SLIT2: variants seen among roughly 807,000 people sequenced by gnomAD.
SLIT2 encodes the protein slit guidance ligand 2, also known as slit homolog 2 protein.
In SLIT2, 41 loss-of-function variants were observed where a neutral mutation model predicts 185.7. That is an observed-to-expected ratio of 0.22 (90% CI 0.17 to 0.29). The LOEUF (loss-of-function observed/expected upper bound fraction) is 0.29, where lower values mean the gene tolerates loss of function less well. Ranked by LOEUF, SLIT2 falls within the 10% of genes least tolerant of loss-of-function variation. The pLI is 1.00. For missense variants in SLIT2, 1,571 were observed against 1,909.0 expected (o/e 0.82, Z 3.30); for synonymous variants, 693 against 680.2 (o/e 1.02, Z -0.29).
chr4:20,407,450 C>G (rs1359673994), intron 4 of SLIT2, among the ~76,000 whole-genome samples: 1 of 152,162 alleles, frequency 6.6e-6, no homozygotes, highest in Non-Finnish European at 1.5e-5. Context: ...GAAACGCCTG[C>G]CTTTTGTTAT....
At chr4:20,399,745 C>G (rs1726200096) in intron 4 of SLIT2, among the ~76,000 whole-genome samples, 1 of 151,652 alleles carries the variant, frequency 6.6e-6, no homozygotes, top group African/African-American at 2.4e-5. Flanking sequence ...TGATATTACA[C>G]TATGTAAGAG....
chr4:20,518,018 C>T (rs1368307944), intron 11 of SLIT2, among the ~76,000 whole-genome samples: 1 of 149,948 alleles, frequency 6.7e-6, no homozygotes, highest in Non-Finnish European at 1.5e-5. Context: ...TTCAAATCAC[C>T]TCTGGATGGC....
At chr4:20,302,542 G>A (rs1717152032) in intron 4 of SLIT2, among the ~76,000 whole-genome samples, 1 of 152,160 alleles carries the variant, frequency 6.6e-6, no homozygotes, top group Non-Finnish European at 1.5e-5. Context: ...GCTGCATGAT[G>A]TCAGAGGCTA....
At chr4:20,608,423 T>C (rs1728952621) in intron 33 of SLIT2, among the ~76,000 whole-genome samples, 1 of 152,180 alleles carries the variant, frequency 6.6e-6, no homozygotes, top group African/African-American at 2.4e-5. Context: ...GGTGTGCAAC[T>C]ATACTTATAA....
intron 4 of SLIT2, among the ~76,000 whole-genome samples, chr4:20,358,383 T>C (rs1722496642): frequency 6.6e-6 from 1 of 152,168 alleles, no homozygotes; most frequent in Non-Finnish European, 1.5e-5. Flanking sequence ...TAATTAATTG[T>C]GGGCCAAAAG....
At chr4:20,464,364 T>A (rs1305222941) in intron 4 of SLIT2, among the ~76,000 whole-genome samples, 3 of 152,188 alleles carry the variant, frequency 2.0e-5, no homozygotes, top group African/African-American at 7.2e-5. Flanking sequence ...GAAATAAGGA[T>A]GCATTCCCCA....
At chr4:20,472,306 C>CTATAGATATATATCTA (rs1715238645) in intron 5 of SLIT2, among the ~76,000 whole-genome samples, 1 of 17,514 alleles carries the variant, frequency 5.7e-5, no homozygotes, top group African/African-American at 4.0e-4. Context: ...ATATATAGAT[C>CTATAGATATATATCTA]TATATATAGA....
chr4:20,322,825 A>G (rs1366554278), intron 4 of SLIT2, among the ~76,000 whole-genome samples: 2 of 152,112 alleles, frequency 1.3e-5, no homozygotes, highest in Non-Finnish European at 2.9e-5. Flanking sequence ...GACTACAGAG[A>G]CTAATGGTAT....
chr4:20,472,616 ATATCGATATATCTATATATATC>A lies in SLIT2; in HGVS notation c.467+4794_467+4815del, dbSNP rs1715645063. On this transcript the variant is annotated intron_variant, in intron 5 of 36. Coordinates refer to ENST00000504154, the MANE Select transcript of SLIT2 (RefSeq NM_004787.4). ...TATATATCTATAGATATATCTATAT[ATATCGATATATCTATATATATC>A]GATATATATATTTAAAAGCCTTAAC... Among the ~76,000 whole-genome samples, 2 of 116,766 alleles carry A rather than the reference ATATCGATATATCTATATATATC, an allele frequency of 1.7e-5. 1 individual carries two copies. The highest frequency in any genetic ancestry group is 3.5e-5 in the Non-Finnish European group (2 of 57,224). 76.6% of individuals were successfully genotyped at this position (116,766 alleles called of 152,430 possible). A position where few individuals can be genotyped will look rare whatever the true frequency, so the allele number is the denominator to read the frequency against.
intron 9 of SLIT2, among the ~76,000 whole-genome samples, chr4:20,504,340 C>T (rs953657072): frequency 3.9e-5 from 6 of 152,062 alleles, no homozygotes; most frequent in East Asian, 3.9e-4. Flanking sequence ...TTGCCATTTA[C>T]GTTAAAAGCA....
At chr4:20,305,465 C>G (rs574961040) in intron 4 of SLIT2, among the ~76,000 whole-genome samples, 1 of 152,110 alleles carries the variant, frequency 6.6e-6, no homozygotes, top group South Asian at 2.1e-4. Flanking sequence ...ATGGGAACCC[C>G]CTATTCAAAC....
intron 4 of SLIT2, among the ~76,000 whole-genome samples, chr4:20,324,786 C>G (rs73106752): frequency 0.079 from 11,949 of 152,118 alleles, 1,132 homozygotes; most frequent in African/African-American, 0.23. Flanking sequence ...ACTGTTGAAG[C>G]TGGTGAATAT....
intron 4 of SLIT2, among the ~76,000 whole-genome samples, chr4:20,408,199 G>A (rs1325012745): frequency 6.6e-6 from 1 of 152,054 alleles, no homozygotes; most frequent in Non-Finnish European, 1.5e-5. Flanking sequence ...CGATTAGCTG[G>A]GCTTGTAATA....
intron 29 of SLIT2, among the ~76,000 whole-genome samples, chr4:20,574,816 A>G (rs960199581): frequency 2.0e-5 from 3 of 148,688 alleles, no homozygotes; most frequent in Non-Finnish European, 4.5e-5. Context: ...AACAAAGGTT[A>G]TTATATAGCA....
chr4:20,557,173 C>G (rs756574420), intron 26 of SLIT2, among the ~76,000 whole-genome samples: 7 of 152,024 alleles, frequency 4.6e-5, no homozygotes, highest in Non-Finnish European at 8.8e-5. Flanking sequence ...CAGCAAGTTA[C>G]CCAGAAGATC....
chr4:20,536,558 C>CAAAA (rs35710842), intron 18 of SLIT2, among the ~76,000 whole-genome samples: 5 of 75,824 alleles, frequency 6.6e-5, no homozygotes, highest in African/African-American at 1.0e-4. Flanking sequence ...AACTCTGTCG[C>CAAAA]AAAAAAAAAA....
intron 4 of SLIT2, among the ~76,000 whole-genome samples, chr4:20,455,103 C>T (rs1712916950): frequency 6.6e-6 from 1 of 152,124 alleles, no homozygotes; most frequent in South Asian, 2.1e-4. Context: ...CATGGATACA[C>T]ATATGTGGTG....
At chr4:20,455,789 G>A (rs1249439682) in intron 4 of SLIT2, among the ~76,000 whole-genome samples, 2 of 151,928 alleles carry the variant, frequency 1.3e-5, no homozygotes, top group Admixed American at 6.6e-5. Context: ...AAACTTTTTG[G>A]TATGTTAATT....
chr4:20,317,393 A>G (rs1718697644), intron 4 of SLIT2, among the ~76,000 whole-genome samples: 1 of 152,096 alleles, frequency 6.6e-6, no homozygotes, highest in Non-Finnish European at 1.5e-5. Context: ...GAATTACAGT[A>G]AGACCCTACA....
Sources: gnomAD v4.1 joint callset for allele counts (sites outside exome capture counted in the v4.1 genomes callset) on GRCh38, gnomAD v4.1.1 for gene constraint, MANE v1.5 for transcripts, NCBI Gene and HGNC (gene_info 2026-07-23, HGNC 2026-07-21) for gene names.